TBCB: variants seen among roughly 807,000 people sequenced by gnomAD.
TBCB encodes the protein tubulin-folding cofactor B.
In TBCB, 18 loss-of-function variants were observed where a neutral mutation model predicts 29.2. That is an observed-to-expected ratio of 0.62 (90% CI 0.43 to 0.91). TBCB has a LOEUF of 0.91. TBCB is among the 40% of genes least tolerant of loss of function. TBCB has a pLI of 0.00. For missense variants in TBCB, 336 were observed against 337.6 expected (o/e 1.00, Z 0.04); for synonymous variants, 172 against 137.8 (o/e 1.25, Z -1.74).
At chr19:36,125,412 T>C (rs1227501716) in intron 4 of TBCB, 39 bp from the exon 5 acceptor site, 2 of 1,606,132 alleles carry the variant, frequency 1.2e-6, no homozygotes, top group African/African-American at 2.7e-5. Flanking sequence ...ATTTCTTCTA[T>C]GTCCAGAAGC....
rs776054819 is a variant in TBCB, at chr19:36,121,788, T to G, written c.547+70T>G. ...CCGGGAGGAAATGTTGGGGGCACAG[T>G]GGAGCCTCGGAGACCACGCTCTGCC... On this transcript the variant is annotated intron_variant, in intron 4 of 5. Transcript: ENST00000221855. 3.9e-6 allele frequency: 6 copies of G among 1,537,056 alleles called. No individual in the cohort carries two copies. In the South Asian group the frequency reaches 7.2e-5, roughly 18 times the overall value.
Position 36,120,709 on chromosome 19 carries a change from G to A in TBCB, c.259-1G>A. ...CCCACGGAGCCCCTCCCCTCACACAGGTCATTGACCACAGTGGCGCCCGCC... is the reference window on the plus strand; with the variant it reads ...CCCACGGAGCCCCTCCCCTCACACAAGTCATTGACCACAGTGGCGCCCGCC... On this transcript the variant is annotated splice_acceptor_variant, in intron 2 of 5. Transcript: ENST00000221855. LOFTEE classifies it high-confidence loss of function. 6.2e-7 allele frequency: 1 copy of A among 1,614,056 alleles called. No individual in the cohort carries two copies. Among genetic ancestry groups the A allele is most frequent in the Non-Finnish European group, 8.5e-7 (1 of 1,179,978 alleles).
At chr19:36,115,019 T>A (rs1009846416), upstream of TBCB, 1 of 665,670 alleles carries the variant, frequency 1.5e-6, no homozygotes, top group African/African-American at 1.8e-5. Flanking sequence ...CGCGCAGAGG[T>A]TTCATGGCTT....
chr19:36,117,392 C>T lies in TBCB; in HGVS notation c.258+1208C>T, dbSNP rs550021603. ...AGAGTTTTGCCCTTGTTCCCCAGGC[C>T]GGAATGCAGTGGTGTGATCTCAGCT... On this transcript the variant is annotated intron_variant, in intron 2 of 5. Coordinates refer to ENST00000221855, the MANE Select transcript of TBCB (RefSeq NM_001281.3). Among the ~76,000 whole-genome samples, 3 of 152,210 alleles carry T rather than the reference C, an allele frequency of 2.0e-5. No individual in the cohort carries two copies. The East Asian group carries it at 5.8e-4, about 29-fold the overall frequency.
At chr19:36,122,004 T>A in intron 4 of TBCB, 1 of 523,146 alleles carries the variant, frequency 1.9e-6, no homozygotes. Context: ...TGGGGCAGTG[T>A]CAGTCGCGGT....
Position 36,120,738 on chromosome 19 carries a change from G to T in TBCB, c.287G>T (p.Gly96Val), listed in dbSNP as rs779260535. The T allele has an allele frequency of 2.1e-5, 34 of 1,614,122 alleles. No homozygotes were observed. The highest frequency in any genetic ancestry group is 2.9e-5 in the Non-Finnish European group (34 of 1,180,026). Residue 96 changes from glycine to valine, a missense_variant, in exon 3 of 6, where the codon GGT (glycine) becomes GTT (valine). Coordinates refer to ENST00000221855, the MANE Select transcript of TBCB (RefSeq NM_001281.3). The stretch of plus-strand genomic sequence containing the variant: ...ATTGACCACAGTGGCGCCCGCCTTG[G>T]TGAGTATGAGGACGTGTCCCGGGTG... ...HVIDHSGARL[G>V]EYEDVSRVEK... is the part of the protein sequence containing the mutation.
chr19:36,117,401 G>A (rs1191489986), intron 2 of TBCB, among the ~76,000 whole-genome samples: 2 of 152,326 alleles, frequency 1.3e-5, no homozygotes, highest in Non-Finnish European at 2.9e-5. Flanking sequence ...CCGGAATGCA[G>A]TGGTGTGATC....
upstream of TBCB, chr19:36,115,052 G>C (rs968424041): frequency 1.6e-6 from 1 of 608,360 alleles, no homozygotes; most frequent in Non-Finnish European, 2.9e-6. Flanking sequence ...TGATATCTTA[G>C]AGTAATTGCT....
chr19:36,116,804 A>G (rs1201591048), intron 2 of TBCB: 2 of 148,078 alleles, frequency 1.4e-5, no homozygotes, highest in Non-Finnish European at 3.0e-5. Context: ...TATTTTTAGT[A>G]GAGATGGGTT....
At chr19:36,120,668 T>C in intron 2 of TBCB, 42 bp from the exon 3 acceptor site, 1 of 1,598,464 alleles carries the variant, frequency 6.3e-7, no homozygotes, top group African/African-American at 1.3e-5. Flanking sequence ...CAGGCCTCCC[T>C]GGCCAGACCC....
Position 36,121,546 on chromosome 19 carries a change from G to A in TBCB, c.375G>A (p.Leu125=). The A allele has an allele frequency of 6.4e-7, 1 of 1,560,386 alleles. No homozygotes were observed. Among genetic ancestry groups the A allele is most frequent in the South Asian group, 1.2e-5 (1 of 85,034 alleles). The change falls in exon 4 of 6, where the codon CTG becomes CTA. Residue 125 remains leucine, a synonymous_variant. Transcript: ENST00000221855. ...CCACAGACACGGTCCGCTCTTTCCT[G>A]AAGCGCAGCAAGCTCGGCCGGTACA... is the stretch of plus-strand genomic sequence containing the variant. The part of the protein sequence containing the change: ...DQRQDTVRSF[L]KRSKLGRYNE...
chr19:36,119,991 G>A (rs75130259), intron 2 of TBCB, among the ~76,000 whole-genome samples: 3,282 of 151,848 alleles, frequency 0.022, 115 homozygotes, highest in African/African-American at 0.076. Context: ...ACTCTAGAGC[G>A]TGAAGGACAT....
upstream of TBCB, chr19:36,115,452 C>A (rs1418293700): frequency 4.9e-6 from 4 of 813,376 alleles, no homozygotes; most frequent in Non-Finnish European, 7.9e-6. Flanking sequence ...TGGTCAGGCA[C>A]GGAGCAGGAG....
Position 36,125,866 on chromosome 19 carries a change from C to T in TBCB, c.*84C>T. On this transcript the variant is annotated 3_prime_UTR_variant, in exon 6 of 6. Coordinates refer to ENST00000221855, the MANE Select transcript of TBCB (RefSeq NM_001281.3). ...TGTGCCCATGGCCCTTTTCTCCTGA[C>T]CCCATTTTAATTTTATTCATTTTTT... The T allele has an allele frequency of 1.0e-6, 1 of 972,592 alleles. No homozygotes were observed. The highest frequency in any genetic ancestry group is 1.4e-6 in the Non-Finnish European group (1 of 695,716). 60.2% of individuals were successfully genotyped at this position (972,592 alleles called of 1,614,324 possible).
In TBCB at chr19:36,115,725, GT is replaced by G. The variant is rs756938765; in HGVS notation, c.114+53del. 328 of 1,335,108 alleles carry G rather than the reference GT, an allele frequency of 2.5e-4. 1 individual carries two copies. The highest frequency in any genetic ancestry group is 1.1e-3 in the Middle Eastern group (5 of 4,456). 82.7% of individuals were successfully genotyped at this position (1,335,108 alleles called of 1,614,324 possible). On this transcript the variant is annotated intron_variant, in intron 1 of 5. Transcript: ENST00000221855. ...AGGGGCGGGGCGAAGAAATTGGGGG[GT>G]TCCCGGAAGGGGGAGGCTGGGAGGG...
chr19:36,123,124 AGTGCCACACT>A (rs1277970828), intron 4 of TBCB, among the ~76,000 whole-genome samples: 1 of 152,210 alleles, frequency 6.6e-6, no homozygotes, highest in Non-Finnish European at 1.5e-5. Flanking sequence ...TGCCTGTGTC[AGTGCCACACT>A]GTTGCCAAAT....
At chr19:36,122,168 G>A (rs1045959060) in intron 4 of TBCB, 7 of 263,634 alleles carry the variant, frequency 2.7e-5, no homozygotes, top group African/African-American at 1.4e-4. Context: ...GGAGTAGCGG[G>A]TGCAGGTGAG....
At chr19:36,116,371 T>A in intron 2 of TBCB, 187 bp downstream of exon 2, 1 of 702,802 alleles carries the variant, frequency 1.4e-6, no homozygotes, top group Non-Finnish European at 2.1e-6. Context: ...TGGGCTGGGA[T>A]CAGGAAATCC....
At chr19:36,121,865 A>T in intron 4 of TBCB, 147 bp downstream of exon 4, 1 of 1,060,668 alleles carries the variant, frequency 9.4e-7, no homozygotes, top group Non-Finnish European at 1.4e-6. Context: ...CCTGGAGGTG[A>T]CGGAACCATC....
Sources: gnomAD v4.1 joint callset for allele counts (sites outside exome capture counted in the v4.1 genomes callset) on GRCh38, gnomAD v4.1.1 for gene constraint, MANE v1.5 for transcripts, NCBI Gene and HGNC (gene_info 2026-07-23, HGNC 2026-07-21) for gene names.